Variants in ZNF483 observed in about 807,000 individuals in gnomAD.
ZNF483 encodes zinc finger protein 483, also known as zinc finger protein HIT-10.
A neutral mutation model predicts 28.6 loss-of-function variants in ZNF483; 9 were observed. That is an observed-to-expected ratio of 0.32 (90% CI 0.19 to 0.55). ZNF483 has a LOEUF of 0.55. Among genes scored for constraint, ZNF483 ranks in the 20% least tolerant of loss-of-function variants. The pLI, the probability that ZNF483 is intolerant of heterozygous loss-of-function variation, is 0.93. For synonymous variants in ZNF483, 322 were observed against 306.2 expected, an observed-to-expected ratio of 1.05 and a Z score of -0.54; for missense variants, 675 against 871.7, an observed-to-expected ratio of 0.77 and a Z score of 2.84.
intron 1 of ZNF483, among the ~76,000 whole-genome samples, chr9:111,525,813 T>C (rs929081513): frequency 2.0e-5 from 3 of 152,094 alleles, no homozygotes; most frequent in Non-Finnish European, 2.9e-5. Context: ...GGGCGCCTAA[T>C]ATTTGGCAGA....
In ZNF483 at chr9:111,550,613, C is replaced by T. The variant is rs138041449; in HGVS notation, c.*7443C>T. Among the ~76,000 whole-genome samples the T allele has an allele frequency of 2.0e-5, 3 of 152,168 alleles. No homozygotes were observed. The highest frequency in any genetic ancestry group is 2.9e-5 in the Non-Finnish European group (2 of 68,012). ...AATAATCACTTTAGGAACTTTCTGC[C>T]GATGTAATTATTATCTAGGTGGAGA... On this transcript the variant is annotated 3_prime_UTR_variant, in exon 6 of 6. Coordinates refer to ENST00000309235, the MANE Select transcript of ZNF483 (RefSeq NM_133464.5).
Position 111,549,460 on chromosome 9 carries a change from T to C in ZNF483, c.*6290T>C, listed in dbSNP as rs1423973964. Among the ~76,000 whole-genome samples the C allele has an allele frequency of 6.6e-6, 1 of 152,202 alleles. No individual in the cohort carries two copies. Among genetic ancestry groups the C allele is most frequent in the East Asian group, 1.9e-4 (1 of 5,194 alleles). Reference sequence around the variant, plus strand: ...AGTTGTGATTTCCAAGCAAAGTGTTTTTCACCCTGAGAAATTGGTGAGGTA... The same window carrying C: ...AGTTGTGATTTCCAAGCAAAGTGTTCTTCACCCTGAGAAATTGGTGAGGTA... On this transcript the variant is annotated 3_prime_UTR_variant, in exon 6 of 6. Coordinates refer to ENST00000309235, the MANE Select transcript of ZNF483 (RefSeq NM_133464.5).
intron 4 of ZNF483, 70 bp downstream of exon 4, chr9:111,533,935 G>T: frequency 3.2e-6 from 5 of 1,556,020 alleles, no homozygotes; most frequent in Non-Finnish European, 1.7e-6. Flanking sequence ...TTATTGAAAG[G>T]TAAGTGCTGT....
Position 111,552,840 on chromosome 9 carries a change from AT to A in ZNF483, c.*9671del, listed in dbSNP as rs1267357398. ...GCAAAAATATATTCTGTTCATGTAT[AT>A]CCAAGAGCAAAATTGTTTAATGGTT... On this transcript the variant is annotated 3_prime_UTR_variant, in exon 6 of 6. Coordinates refer to ENST00000309235, the MANE Select transcript of ZNF483 (RefSeq NM_133464.5). Among the ~76,000 whole-genome samples, 2 of 152,202 alleles carry A rather than the reference AT, an allele frequency of 1.3e-5. No individual in the cohort carries two copies. The highest frequency in any genetic ancestry group is 2.9e-5 in the Non-Finnish European group (2 of 68,028).
At chr9:111,576,519 G>C in exon 6 of ZNF483, 1 of 1,486,060 alleles carries the variant, frequency 6.7e-7, no homozygotes, top group Non-Finnish European at 9.2e-7. Flanking sequence ...GAGCTGGATG[G>C]AGTATGAATC....
Position 111,542,425 on chromosome 9 carries a change from G to A in ZNF483, c.1490G>A (p.Cys497Tyr). The change falls in exon 6 of 6, where the codon TGT (cysteine) becomes TAT (tyrosine). Residue 497 changes from cysteine to tyrosine, a missense_variant. Physicochemically the swap from Cys to Tyr is radical, Grantham distance 194. This residue lies in a region of ZNF483 where 525 missense variants were observed against 581.8 expected (regional missense o/e 0.90). Coordinates refer to ENST00000309235, the MANE Select transcript of ZNF483 (RefSeq NM_133464.5). The surrounding 1 kb of genome is among the most constrained non-coding windows in gnomAD (Gnocchi z 6.2). ...CATAGTGGAGAGAAACCCTTCAAAT[G>A]TGATGACTGTGGGAAAGGTTTCACC... The part of the protein sequence containing the change: ...RTHSGEKPFK[C>Y]DDCGKGFTLS... 1 of 1,614,134 alleles carries A rather than the reference G, an allele frequency of 6.2e-7. No individual in the cohort carries two copies. The highest frequency in any genetic ancestry group is 8.5e-7 in the Non-Finnish European group (1 of 1,180,012).
Position 111,546,104 on chromosome 9 carries a change from TTGAAA to T in ZNF483, c.*2938_*2942del, listed in dbSNP as rs563758093. ...TTAAAAATTATGCCCATCCTAGCGT[TTGAAA>T]TGATATTCCTTTGTGGTTTTAACTT... On this transcript the variant is annotated 3_prime_UTR_variant, in exon 6 of 6. Coordinates refer to ENST00000309235, the MANE Select transcript of ZNF483 (RefSeq NM_133464.5). Among the ~76,000 whole-genome samples the T allele has an allele frequency of 4.9e-3, 750 of 152,336 alleles. 5 individuals are homozygous for T. The highest frequency in any genetic ancestry group is 5.0e-3 in the Non-Finnish European group (342 of 68,012).
rs1827742374 is a variant in ZNF483 at position 111,544,013 on chromosome 9, T to C, written c.*843T>C. On this transcript the variant is annotated 3_prime_UTR_variant, in exon 6 of 6. Transcript: ENST00000309235. ...CTCAAATGCTGTAACTAGGAATGGG[T>C]CAGTGAAGTTCAAACGACTTTTCCT... The C allele has an allele frequency of 1.0e-6, 1 of 985,206 alleles. No homozygotes were observed. Among genetic ancestry groups the C allele is most frequent in the Non-Finnish European group, 1.2e-6 (1 of 829,930 alleles). The allele number at this position is 985,206 out of a possible 1,614,324, so 61.0% of individuals were successfully genotyped here. A position where few individuals can be genotyped will look rare whatever the true frequency, so the allele number is the denominator to read the frequency against.
chr9:111,546,543 T>G lies in ZNF483; in HGVS notation c.*3373T>G, dbSNP rs1827811417. 6.6e-6 allele frequency among the ~76,000 whole-genome samples: 1 copy of G among 152,210 alleles called. No individual in the cohort carries two copies. The highest frequency in any genetic ancestry group is 1.5e-5 in the Non-Finnish European group (1 of 68,020). On this transcript the variant is annotated 3_prime_UTR_variant, in exon 6 of 6. Transcript: ENST00000309235. ...AAGAGCACTGTGACACATTTTACTT[T>G]AAAATGAAGTCCTTGCTTTAAATAA...
At position 111,547,010 on chromosome 9, in the gene ZNF483, T is replaced by A. The variant is rs1312551404; in HGVS notation, c.*3840T>A. ...AGGTTCGGCCGTGTTGTAGCACATATCAGAATTTAATTCCTTTTTAAGGCT... is the reference window on the plus strand; with the variant it reads ...AGGTTCGGCCGTGTTGTAGCACATAACAGAATTTAATTCCTTTTTAAGGCT... On this transcript the variant is annotated 3_prime_UTR_variant, in exon 6 of 6. Coordinates refer to ENST00000309235, the MANE Select transcript of ZNF483 (RefSeq NM_133464.5). Among the ~76,000 whole-genome samples, 1 of 152,196 alleles carries A rather than the reference T, an allele frequency of 6.6e-6. No homozygotes were observed. Among genetic ancestry groups the A allele is most frequent in the Admixed American group, 6.5e-5 (1 of 15,276 alleles).
chr9:111,570,094 T>C, intron 5 of ZNF483: 1 of 1,614,088 alleles, frequency 6.2e-7, no homozygotes, highest in South Asian at 1.1e-5. Flanking sequence ...TCCTTACCTC[T>C]AAGACCCATT....
rs543180173 is a variant in ZNF483, at chr9:111,548,700, A to G, written c.*5530A>G. 1.3e-5 allele frequency among the ~76,000 whole-genome samples: 2 copies of G among 152,220 alleles called. No homozygotes were observed. The highest frequency in any genetic ancestry group is 4.8e-5 in the African/African-American group (2 of 41,542). On this transcript the variant is annotated 3_prime_UTR_variant, in exon 6 of 6. Coordinates refer to ENST00000309235, the MANE Select transcript of ZNF483 (RefSeq NM_133464.5). ...TGCTTTCTATTTTATATCATTCCGT[A>G]TGATGTTAGCTGTGGTCTTTTCATA...
intron 5 of ZNF483, among the ~76,000 whole-genome samples, chr9:111,560,863 A>T (rs1828263187): frequency 6.8e-6 from 1 of 147,802 alleles, no homozygotes; most frequent in South Asian, 2.1e-4. Flanking sequence ...GAATCGCTTG[A>T]AGCCGGGTGG....
At chr9:111,564,760 CAT>C (rs1329122952) in intron 5 of ZNF483, among the ~76,000 whole-genome samples, 1 of 152,048 alleles carries the variant, frequency 6.6e-6, no homozygotes, top group African/African-American at 2.4e-5. Context: ...AATCCAAATC[CAT>C]ATGTTTAAGT....
intron 5 of ZNF483, among the ~76,000 whole-genome samples, chr9:111,535,745 C>G (rs1224445609): frequency 6.6e-6 from 1 of 150,824 alleles, no homozygotes; most frequent in Non-Finnish European, 1.5e-5. Context: ...CGGGGTTTCA[C>G]CATATTGGCC....
intron 3 of ZNF483, among the ~76,000 whole-genome samples, chr9:111,531,350 GTCAA>G (rs200459103): frequency 0.03 from 4,623 of 152,188 alleles, 259 homozygotes; most frequent in African/African-American, 0.11. Flanking sequence ...ATTAAAATTA[GTCAA>G]GTGAAATAGA....
At chr9:111,535,131 G>A (rs985219825) in intron 5 of ZNF483, among the ~76,000 whole-genome samples, 2 of 152,206 alleles carry the variant, frequency 1.3e-5, no homozygotes, top group Non-Finnish European at 2.9e-5. Context: ...TAAGTATCCT[G>A]TACTCCATCA....
At chr9:111,539,523 G>A (rs1269594003) in intron 5 of ZNF483, 2 of 452,016 alleles carry the variant, frequency 4.4e-6, no homozygotes, top group African/African-American at 4.0e-5. Flanking sequence ...CAGCACTTTG[G>A]GAGGCCAAGG....
At chr9:111,556,939 C>A (rs976400492), downstream of ZNF483, among the ~76,000 whole-genome samples, 2 of 152,222 alleles carry the variant, frequency 1.3e-5, no homozygotes, top group African/African-American at 4.8e-5. Context: ...GGCCACAATG[C>A]ATGGTTCCAT....
Sources: gnomAD v4.1 joint callset for allele counts (sites outside exome capture counted in the v4.1 genomes callset) on GRCh38, gnomAD v4.1.1 for gene constraint, gnomAD v4.1.1 regional missense constraint, Gnocchi (gnomAD v3.1) non-coding constraint, MANE v1.5 for transcripts, NCBI Gene and HGNC (gene_info 2026-07-23, HGNC 2026-07-21) for gene names.